UBL7: variants seen among roughly 807,000 people sequenced by gnomAD.
UBL7 encodes the protein ubiquitin like 7.
UBL7 carries 21 observed loss-of-function variants against 41.7 expected under a neutral mutation model. The ratio of observed to expected loss-of-function variants is 0.50; its 90% CI spans 0.36 to 0.73. UBL7 has a LOEUF of 0.73. Among genes scored for constraint, UBL7 ranks in the 30% least tolerant of loss-of-function variants. UBL7 has a pLI of 0.00. For missense variants in UBL7, 403 were observed against 478.4 expected (o/e 0.84, Z 1.47); for synonymous variants, 157 against 186.9 (o/e 0.84, Z 1.31).
At chr15:74,460,923 G>A (rs749124832) in intron 1 of UBL7, 114 bp downstream of exon 1, 244 of 1,151,622 alleles carry the variant, frequency 2.1e-4, no homozygotes, top group Non-Finnish European at 2.5e-4. Context: ...GGTTCCCTAA[G>A]GCAGGCATTA....
In UBL7 at chr15:74,446,094, G is replaced by A; in HGVS notation, c.1139C>T (p.Pro380Leu). 6.2e-7 allele frequency: 1 copy of A among 1,613,870 alleles called. No homozygotes were observed. Among genetic ancestry groups the A allele is most frequent in the Non-Finnish European group, 8.5e-7 (1 of 1,179,932 alleles). The part of the protein sequence containing the change: ...ALELIFAGGA[P>L] ...GGTTCAGGGGAAGCAGGGAGTTCATGGGGCTCCTCCAGCAAAGATGAGCTC... is the reference window on the plus strand; with the variant it reads ...GGTTCAGGGGAAGCAGGGAGTTCATAGGGCTCCTCCAGCAAAGATGAGCTC... Residue 380 changes from proline (P) to leucine (L), a missense_variant, in exon 11 of 11, where the codon CCA becomes CTA. Coordinates refer to ENST00000395081, the MANE Select transcript of UBL7 (RefSeq NM_032907.5). This position sits in a 1 kb window ranked among gnomAD's most constrained non-coding sequence, Gnocchi z 4.1.
intron 8 of UBL7, 84 bp from the exon 9 acceptor site, chr15:74,449,437 T>C (rs2061219637): frequency 3.8e-6 from 6 of 1,562,686 alleles, no homozygotes; most frequent in Non-Finnish European, 5.2e-6. Flanking sequence ...CAATAGTTCT[T>C]GGGGAAACTC....
chr15:74,450,248 G>A (rs1219461131), intron 6 of UBL7, among the ~76,000 whole-genome samples, 179 bp from the exon 7 acceptor site: 3 of 152,140 alleles, frequency 2.0e-5, no homozygotes, highest in Non-Finnish European at 4.4e-5. Flanking sequence ...CCCCAGCAAC[G>A]GGTGCAAGGC....
chr15:74,450,081 G>A lies in UBL7; in HGVS notation c.531-12C>T, dbSNP rs572287210. ...GAGCAGGCACCAACCTAGGATAGAA[G>A]CAGGAAGAAACCCAAGGGTGACTCC... On this transcript the variant is annotated splice_polypyrimidine_tract_variant and intron_variant, in intron 6 of 10. Transcript: ENST00000395081. 2 of 1,608,656 alleles carry A rather than the reference G, an allele frequency of 1.2e-6. No homozygotes were observed. Among genetic ancestry groups the A allele is most frequent in the Admixed American group, 3.4e-5 (2 of 59,380 alleles).
intron 1 of UBL7, chr15:74,459,135 A>T: frequency 2.2e-6 from 1 of 449,552 alleles, no homozygotes; most frequent in Non-Finnish European, 4.1e-6. Flanking sequence ...CATCCAATCT[A>T]ATAGGAATGT....
At chr15:74,458,636 C>G (rs1218858000) in intron 2 of UBL7, 48 bp downstream of exon 2, 13 of 1,529,614 alleles carry the variant, frequency 8.5e-6, no homozygotes, top group Admixed American at 1.7e-5. Flanking sequence ...GTATCCTCCC[C>G]CAAAAGAGAT....
At chr15:74,452,419 CCTGT>C (rs1253225465) in intron 3 of UBL7, 41 bp from the exon 4 acceptor site, 1 of 1,539,844 alleles carries the variant, frequency 6.5e-7, no homozygotes, top group Non-Finnish European at 8.8e-7. Context: ...TAGCGCAGGT[CCTGT>C]CTCTGCCACA....
intron 1 of UBL7, among the ~76,000 whole-genome samples, chr15:74,460,308 T>C (rs2061336805): frequency 6.8e-6 from 1 of 147,592 alleles, no homozygotes. Flanking sequence ...ATAAATTAAG[T>C]CTAAACTTCA....
intron 3 of UBL7, among the ~76,000 whole-genome samples, chr15:74,454,066 T>C (rs1050735952): frequency 6.6e-6 from 1 of 152,230 alleles, no homozygotes; most frequent in Non-Finnish European, 1.5e-5. Flanking sequence ...GTTTTCCTCT[T>C]GAGCCAGGAA....
intron 7 of UBL7, 28 bp from the exon 8 acceptor site, chr15:74,449,703 G>A: frequency 2.5e-6 from 4 of 1,614,034 alleles, no homozygotes; most frequent in Non-Finnish European, 3.4e-6. Flanking sequence ...GATTTCAGGA[G>A]GAAGAACAGA....
At chr15:74,454,122 C>G (rs749231257) in intron 3 of UBL7, among the ~76,000 whole-genome samples, 1 of 152,176 alleles carries the variant, frequency 6.6e-6, no homozygotes, top group Admixed American at 6.5e-5. Context: ...TTCTAAGTAG[C>G]TGACCTTGAA....
rs956337082 is a variant in UBL7 at position 74,446,398 on chromosome 15, G to A, written c.1006-171C>T. ...TAGGAAGACTAAAAGATAGGCTTGA[G>A]GGTTAAGAGAACAAATCCAAAGTTT... On this transcript the variant is annotated intron_variant, in intron 10 of 10. Transcript: ENST00000395081. The surrounding 1 kb of genome is among the most constrained non-coding windows in gnomAD (Gnocchi z 4.1). Among the ~76,000 whole-genome samples, 1 of 152,202 alleles carries A rather than the reference G, an allele frequency of 6.6e-6. No homozygotes were observed. Among genetic ancestry groups the A allele is most frequent in the Non-Finnish European group, 1.5e-5 (1 of 68,046 alleles).
In UBL7 at chr15:74,446,085, G is replaced by C; in HGVS notation, c.*5C>G. 1.2e-6 allele frequency: 2 copies of C among 1,613,550 alleles called. No individual in the cohort carries two copies. The highest frequency in any genetic ancestry group is 2.2e-5 in the South Asian group (2 of 91,060). ...CTTGCTGGGGGTTCAGGGGAAGCAG[G>C]GAGTTCATGGGGCTCCTCCAGCAAA... On this transcript the variant is annotated 3_prime_UTR_variant, in exon 11 of 11. Transcript: ENST00000395081. The surrounding 1 kb of genome is among the most constrained non-coding windows in gnomAD (Gnocchi z 4.1).
Position 74,449,970 on chromosome 15 carries a change from C to T in UBL7, c.630G>A (p.Arg210=). 3.1e-6 allele frequency: 5 copies of T among 1,613,212 alleles called. No individual in the cohort carries two copies. The highest frequency in any genetic ancestry group is 3.4e-6 in the Non-Finnish European group (4 of 1,179,670). The change falls in exon 7 of 11, where the codon CGG becomes CGA. Residue 210 remains arginine (R), a synonymous_variant. Transcript: ENST00000395081. ...CCCGGTATGAGCTGGAGGGCATGCTCCGGGAAGAGGAGTCAGTCCCAGGCA... is the reference window on the plus strand; with the variant it reads ...CCCGGTATGAGCTGGAGGGCATGCTTCGGGAAGAGGAGTCAGTCCCAGGCA... ...APMPGTDSSS[R]SMPSSSYRDM...
chr15:74,451,374 T>C, intron 5 of UBL7, 62 bp downstream of exon 5: 1 of 1,412,188 alleles, frequency 7.1e-7, no homozygotes, highest in Non-Finnish European at 1.0e-6. Context: ...AGAGGAATTG[T>C]CTTCTCCTGT....
Position 74,446,283 on chromosome 15 carries a change from C to T in UBL7, c.1006-56G>A. 6.2e-7 allele frequency: 1 copy of T among 1,603,634 alleles called. No individual in the cohort carries two copies. ...TTAGCTGGGATCCAGTGAAGACTCA[C>T]TTAGGTCTGTGCTTTCCGGGGAAGG... On this transcript the variant is annotated intron_variant, in intron 10 of 10. Coordinates refer to ENST00000395081, the MANE Select transcript of UBL7 (RefSeq NM_032907.5). This position sits in a 1 kb window ranked among gnomAD's most constrained non-coding sequence, Gnocchi z 4.1.
At chr15:74,459,301 AT>A (rs61137560) in intron 1 of UBL7, among the ~76,000 whole-genome samples, 3,415 of 130,778 alleles carry the variant, frequency 0.026, 69 homozygotes, top group African/African-American at 0.076. Flanking sequence ...AACACCCATC[AT>A]TTTTTTTTTT....
intron 8 of UBL7, 97 bp from the exon 9 acceptor site, chr15:74,449,450 A>G: frequency 6.5e-7 from 1 of 1,546,418 alleles, no homozygotes; most frequent in Non-Finnish European, 8.8e-7. Flanking sequence ...GGAAACTCTT[A>G]AGTTCCCAGG....
In UBL7 at chr15:74,458,796, C is replaced by T. The variant is rs780556106; in HGVS notation, c.72G>A (p.Arg24=). The T allele has an allele frequency of 6.2e-7, 1 of 1,613,840 alleles. No homozygotes were observed. The highest frequency in any genetic ancestry group is 1.3e-5 in the African/African-American group (1 of 75,066). Residue 24 remains arginine (R), a synonymous_variant, in exon 2 of 11, where the codon CGG becomes CGA. Coordinates refer to ENST00000395081, the MANE Select transcript of UBL7 (RefSeq NM_032907.5). ...ATTCTCCCAGTTCTGTCTCTGGCAA[C>T]CGAAGAATAGACTTTGGAGTAAGTG... ...DQPLTPKSIL[R]LPETELGEYS...
Sources: gnomAD v4.1 joint callset for allele counts (sites outside exome capture counted in the v4.1 genomes callset) on GRCh38, gnomAD v4.1.1 for gene constraint, Gnocchi (gnomAD v3.1) non-coding constraint, MANE v1.5 for transcripts, NCBI Gene and HGNC (gene_info 2026-07-23, HGNC 2026-07-21) for gene names.